CORIN: variants seen among roughly 807,000 people sequenced by gnomAD.
The protein encoded by CORIN is atrial natriuretic peptide-converting enzyme.
Under a neutral mutation model 125.3 loss-of-function variants are expected in CORIN, and 117 were observed. The ratio of observed to expected loss-of-function variants is 0.93; its 90% CI spans 0.80 to 1.09. The LOEUF (loss-of-function observed/expected upper bound fraction) is 1.09, where lower values mean the gene tolerates loss of function less well. Among genes scored for constraint, CORIN ranks in the 50% least tolerant of loss-of-function variants. CORIN has a pLI of 0.00. For missense variants in CORIN, 1,253 were observed against 1,306.7 expected (o/e 0.96, Z 0.63); for synonymous variants, 450 against 466.4 (o/e 0.96, Z 0.45).
At position 47,595,826 on chromosome 4, in the gene CORIN, G is replaced by A. The variant is rs762668422; in HGVS notation, c.3024C>T (p.Ser1008=). 8.7e-6 allele frequency: 14 copies of A among 1,613,590 alleles called. No individual in the cohort carries two copies. Among genetic ancestry groups the A allele is most frequent in the East Asian group, 6.7e-5 (3 of 44,882 alleles). Residue 1008 remains serine (S), a synonymous_variant, in exon 22 of 22, where the codon TCC becomes TCT. Coordinates refer to ENST00000273857, the MANE Select transcript of CORIN (RefSeq NM_006587.4). ...WTLFGLTSWG[S]VCFSKVLGPG... The stretch of plus-strand genomic sequence containing the variant: ...GCCCCAGGACTTTGGAAAAGCAGAC[G>A]GAGCCCCATGAAGTTAATCCAAATA...
intron 3 of CORIN, among the ~76,000 whole-genome samples, chr4:47,774,714 T>A (rs1226934145): frequency 6.6e-6 from 1 of 152,190 alleles, no homozygotes; most frequent in East Asian, 1.9e-4. Context: ...TGCCAGACTG[T>A]AAGACTAGCC....
At chr4:47,829,157 C>CAAAA (rs35771383) in intron 1 of CORIN, among the ~76,000 whole-genome samples, 15 of 64,268 alleles carry the variant, frequency 2.3e-4, no homozygotes, top group African/African-American at 5.7e-4. Flanking sequence ...GACTCCGTCT[C>CAAAA]AAAAAAAAAA....
At chr4:47,774,822 A>G (rs984974254) in intron 3 of CORIN, among the ~76,000 whole-genome samples, 5 of 152,246 alleles carry the variant, frequency 3.3e-5, no homozygotes, top group Non-Finnish European at 7.3e-5. Flanking sequence ...ATGAAACTTG[A>G]GGACATTATG....
At chr4:47,736,691 A>T (rs1474486531) in intron 5 of CORIN, among the ~76,000 whole-genome samples, 1 of 149,836 alleles carries the variant, frequency 6.7e-6, no homozygotes, top group Non-Finnish European at 1.5e-5. Context: ...GTGTCTATGT[A>T]TTCTTATCAT....
chr4:47,800,032 A>G (rs1315437123), intron 2 of CORIN, among the ~76,000 whole-genome samples: 1 of 152,184 alleles, frequency 6.6e-6, no homozygotes, highest in Non-Finnish European at 1.5e-5. Context: ...TGTCTAGAAT[A>G]GGTACATCTA....
At chr4:47,711,188 C>T (rs2109777533) in intron 5 of CORIN, among the ~76,000 whole-genome samples, 2 of 152,306 alleles carry the variant, frequency 1.3e-5, no homozygotes, top group South Asian at 4.1e-4. Context: ...ATCTCTCCTG[C>T]CACACCCACC....
rs1272251059 is a variant in CORIN at position 47,837,808 on chromosome 4, G to A, written c.63+79C>T. On this transcript the variant is annotated intron_variant, in intron 1 of 21. Coordinates refer to ENST00000273857, the MANE Select transcript of CORIN (RefSeq NM_006587.4). ...CGGGCGGAGGAGAGGACGGGGGCGG[G>A]AGGGGCTGACCCTGAATTCACCGGG... 5.5e-6 allele frequency: 7 copies of A among 1,268,642 alleles called. No individual in the cohort carries two copies. The African/African-American group carries it at 8.8e-5, about 16-fold the overall frequency. 78.6% of individuals were successfully genotyped at this position (1,268,642 alleles called of 1,614,324 possible). A position where few individuals can be genotyped will look rare whatever the true frequency, so the allele number is the denominator to read the frequency against.
At chr4:47,727,272 T>C (rs114861356) in intron 5 of CORIN, among the ~76,000 whole-genome samples, 4,327 of 152,126 alleles carry the variant, frequency 0.028, 215 homozygotes, top group African/African-American at 0.1. Context: ...ATGTGTTTAA[T>C]CATATGAGTA....
In CORIN at chr4:47,595,854, G is replaced by A; in HGVS notation, c.2996C>T (p.Thr999Ile). 2 of 1,613,642 alleles carry A rather than the reference G, an allele frequency of 1.2e-6. No homozygotes were observed. The highest frequency in any genetic ancestry group is 2.7e-5 in the African/African-American group (2 of 74,970). Residue 999 changes from threonine (T) to isoleucine (I), a missense_variant, in exon 22 of 22, where the codon ACA (threonine) becomes ATA (isoleucine). By Grantham distance (89) the Thr-to-Ile change is moderately conservative. Coordinates refer to ENST00000273857, the MANE Select transcript of CORIN (RefSeq NM_006587.4). ...LVCEKPGGRW[T>I]LFGLTSWGSV... Reference sequence around the variant, plus strand: ...GCCCCATGAAGTTAATCCAAATAATGTCCACCGTCCTCCAGGCTTCTCACA... The same window carrying A: ...GCCCCATGAAGTTAATCCAAATAATATCCACCGTCCTCCAGGCTTCTCACA...
intron 16 of CORIN, among the ~76,000 whole-genome samples, chr4:47,627,606 C>T (rs1037693658): frequency 1.3e-5 from 2 of 152,050 alleles, no homozygotes; most frequent in African/African-American, 4.8e-5. Flanking sequence ...TTTTCTTTTT[C>T]TTGGCCAAAA....
chr4:47,754,607 T>G (rs975657275), intron 4 of CORIN, among the ~76,000 whole-genome samples: 17 of 152,176 alleles, frequency 1.1e-4, no homozygotes, highest in African/African-American at 3.4e-4. Flanking sequence ...TACCATGAAC[T>G]GTTTAAGCAA....
intron 10 of CORIN, among the ~76,000 whole-genome samples, chr4:47,669,901 C>T (rs765544676): frequency 1.2e-4 from 18 of 152,148 alleles, no homozygotes; most frequent in African/African-American, 4.1e-4. Context: ...GTGTGTACCA[C>T]CCCTGGATAT....
At chr4:47,653,149 T>A (rs998121559) in intron 13 of CORIN, among the ~76,000 whole-genome samples, 5 of 152,208 alleles carry the variant, frequency 3.3e-5, no homozygotes, top group African/African-American at 4.8e-5. Context: ...TTGTTATAAT[T>A]GATCCATTTT....
intron 1 of CORIN, among the ~76,000 whole-genome samples, chr4:47,811,274 A>T (rs1283198859): frequency 2.0e-5 from 3 of 152,162 alleles, no homozygotes. Context: ...AGAGCCTGGA[A>T]CCAGAGCTGA....
chr4:47,729,938 G>A (rs1727788303), intron 5 of CORIN, among the ~76,000 whole-genome samples: 1 of 152,128 alleles, frequency 6.6e-6, no homozygotes, highest in African/African-American at 2.4e-5. Flanking sequence ...TCCAGGGAAA[G>A]ACCACCTTCC....
intron 1 of CORIN, among the ~76,000 whole-genome samples, chr4:47,819,884 A>T (rs1732432006): frequency 6.6e-6 from 1 of 152,220 alleles, no homozygotes; most frequent in Non-Finnish European, 1.5e-5. Context: ...CAGTTCTAAG[A>T]GGTTTTCATA....
chr4:47,620,226 C>A (rs1380603933), intron 19 of CORIN, among the ~76,000 whole-genome samples: 1 of 152,148 alleles, frequency 6.6e-6, no homozygotes, highest in Non-Finnish European at 1.5e-5. Context: ...GTATCCTCTA[C>A]AAACAAGAGT....
At chr4:47,727,506 T>C (rs774726122) in intron 5 of CORIN, among the ~76,000 whole-genome samples, 1 of 152,148 alleles carries the variant, frequency 6.6e-6, no homozygotes, top group Non-Finnish European at 1.5e-5. Flanking sequence ...AAATAAACTG[T>C]TGACAGAGTC....
chr4:47,824,793 C>T (rs1218588233), intron 1 of CORIN, among the ~76,000 whole-genome samples: 1 of 152,174 alleles, frequency 6.6e-6, no homozygotes, highest in African/African-American at 2.4e-5. Context: ...GGAAAGAGAA[C>T]GCTAAACTCT....
Sources: gnomAD v4.1 joint callset for allele counts (sites outside exome capture counted in the v4.1 genomes callset) on GRCh38, gnomAD v4.1.1 for gene constraint, MANE v1.5 for transcripts, NCBI Gene and HGNC (gene_info 2026-07-23, HGNC 2026-07-21) for gene names.